Variants in AGPAT3 observed in about 807,000 individuals in gnomAD.
AGPAT3 encodes the protein 1-acyl-sn-glycerol-3-phosphate acyltransferase gamma.
A neutral mutation model predicts 47.3 loss-of-function variants in AGPAT3; 5 were observed. That is an observed-to-expected ratio of 0.11 (90% CI 0.06 to 0.22). The LOEUF (loss-of-function observed/expected upper bound fraction) is 0.22, where lower values mean the gene tolerates loss of function less well. AGPAT3 is among the 10% of genes least tolerant of loss of function. The pLI is 1.00. For synonymous variants in AGPAT3, 212 were observed against 208.3 expected, an observed-to-expected ratio of 1.02 and a Z score of -0.15; for missense variants, 315 against 493.0, an observed-to-expected ratio of 0.64 and a Z score of 3.42.
rs927199036 is a variant in AGPAT3, at chr21:43,984,036, G to C, written c.*1644G>C. 3.3e-5 allele frequency: 5 copies of C among 152,308 alleles called. No individual in the cohort carries two copies. The highest frequency in any genetic ancestry group is 7.3e-5 in the Non-Finnish European group (5 of 68,084). The allele number at this position is 152,308 out of a possible 1,614,324, so 9.4% of individuals were successfully genotyped here. ...GCCGGGCCCCGGGTCTGTGGGGGCC[G>C]TGCTCTCAGGGCGTGTGCGGGACGC... On this transcript the variant is annotated 3_prime_UTR_variant, in exon 10 of 10. Coordinates refer to ENST00000291572, the MANE Select transcript of AGPAT3 (RefSeq NM_020132.5).
At chr21:43,947,063 G>A (rs1257548602) in intron 2 of AGPAT3, 1 of 152,358 alleles carries the variant, frequency 6.6e-6, no homozygotes, top group Non-Finnish European at 1.5e-5. Context: ...GCTGGGGTAG[G>A]TGACGGGAGG....
chr21:43,957,808 C>A (rs1469173154), intron 2 of AGPAT3, among the ~76,000 whole-genome samples: 1 of 151,494 alleles, frequency 6.6e-6, no homozygotes, highest in Admixed American at 6.6e-5. Flanking sequence ...GTTTTCCCCT[C>A]CACACTGGGG....
intron 2 of AGPAT3, among the ~76,000 whole-genome samples, chr21:43,918,181 G>A (rs1364214343): frequency 6.8e-6 from 1 of 146,364 alleles, no homozygotes; most frequent in Non-Finnish European, 1.5e-5. Context: ...TGTTGTGGGA[G>A]TTGTGGGTGT....
At chr21:43,917,309 C>G (rs933764514) in intron 2 of AGPAT3, among the ~76,000 whole-genome samples, 1 of 152,198 alleles carries the variant, frequency 6.6e-6, no homozygotes, top group Non-Finnish European at 1.5e-5. Flanking sequence ...CCTGCACTGC[C>G]GTGGCACAAC....
rs1264760775 is a variant in AGPAT3 at position 43,922,014 on chromosome 21, A to G, written c.-49+17995A>G. On this transcript the variant is annotated intron_variant, in intron 2 of 9. Coordinates refer to ENST00000291572, the MANE Select transcript of AGPAT3 (RefSeq NM_020132.5). This position sits in a 1 kb window ranked among gnomAD's most constrained non-coding sequence, Gnocchi z 4.9. ...CCTGATTTCTCTGTCTCTCGATGCC[A>G]TTTTTGTGAAGGTTTAGCAAATACT... Among the ~76,000 whole-genome samples the G allele has an allele frequency of 2.0e-5, 3 of 152,074 alleles. No individual in the cohort carries two copies. Among genetic ancestry groups the G allele is most frequent in the South Asian group, 4.2e-4 (2 of 4,814 alleles).
At chr21:43,978,005 TGTG>T (rs1447189331) in intron 7 of AGPAT3, 38 bp from the exon 8 acceptor site, 3 of 1,539,658 alleles carry the variant, frequency 1.9e-6, no homozygotes, top group Non-Finnish European at 2.7e-6. Flanking sequence ...TGTGAGGTCA[TGTG>T]GTGATTCACC....
intron 3 of AGPAT3, among the ~76,000 whole-genome samples, chr21:43,963,707 CAAAA>C (rs10582784): frequency 2.3e-4 from 15 of 65,712 alleles, no homozygotes; most frequent in Middle Eastern, 0.015. Flanking sequence ...GACTCTGTCT[CAAAA>C]AAAAAAAAAA....
chr21:43,975,801 G>T (rs964835833), intron 7 of AGPAT3, among the ~76,000 whole-genome samples: 1 of 152,130 alleles, frequency 6.6e-6, no homozygotes, highest in Non-Finnish European at 1.5e-5. Flanking sequence ...AAAGGTCCAC[G>T]ATGAGCCCAG....
intron 2 of AGPAT3, among the ~76,000 whole-genome samples, chr21:43,943,135 A>T (rs979556140): frequency 1.3e-5 from 2 of 151,808 alleles, no homozygotes; most frequent in Non-Finnish European, 2.9e-5. Context: ...AGTGCAGTGG[A>T]GTGATCTCAG....
intron 7 of AGPAT3, among the ~76,000 whole-genome samples, chr21:43,972,089 G>A (rs938560124): frequency 3.9e-5 from 6 of 152,190 alleles, no homozygotes; most frequent in African/African-American, 7.2e-5. Context: ...GCCGCAGCAC[G>A]CGAGGGACCG....
At chr21:43,917,907 T>G (rs1198928251) in intron 2 of AGPAT3, among the ~76,000 whole-genome samples, 4 of 76,652 alleles carry the variant, frequency 5.2e-5, no homozygotes, top group Non-Finnish European at 9.3e-5. Flanking sequence ...TTGCGGGTGT[T>G]GTGGGTGTTG....
rs139492690 is a variant in AGPAT3, at chr21:43,939,826, G to A, written c.-48-19808G>A. Among the ~76,000 whole-genome samples the A allele has an allele frequency of 5.5e-3, 837 of 152,314 alleles. 6 individuals carry two copies. The highest frequency in any genetic ancestry group is 9.6e-3 in the Non-Finnish European group (652 of 68,014). ...CCTGGTCCTAGGGGTCTGTGCTGGG[G>A]TGGGGCTCGTTGACCTGCATCCTGG... On this transcript the variant is annotated intron_variant, in intron 2 of 9. Transcript: ENST00000291572. This position sits in a 1 kb window ranked among gnomAD's most constrained non-coding sequence, Gnocchi z 4.4.
In AGPAT3 at chr21:43,982,615, G is replaced by A; in HGVS notation, c.*223G>A. On this transcript the variant is annotated 3_prime_UTR_variant, in exon 10 of 10. Transcript: ENST00000291572. The surrounding 1 kb of genome is among the most constrained non-coding windows in gnomAD (Gnocchi z 6.2). ...TCCCAGCATCTCCACGCGCGCCCGTGGGAGGTGGGTCCGGCCGGAGAGGCC... is the reference window on the plus strand; with the variant it reads ...TCCCAGCATCTCCACGCGCGCCCGTAGGAGGTGGGTCCGGCCGGAGAGGCC... 2.6e-6 allele frequency: 1 copy of A among 391,726 alleles called. No homozygotes were observed. The highest frequency in any genetic ancestry group is 4.6e-6 in the Non-Finnish European group (1 of 218,132). The allele number at this position is 391,726 out of a possible 1,614,324, so 24.3% of individuals were successfully genotyped here. A position where few individuals can be genotyped will look rare whatever the true frequency, so the allele number is the denominator to read the frequency against.
intron 7 of AGPAT3, 120 bp downstream of exon 7, chr21:43,971,610 C>A: frequency 1.1e-6 from 1 of 889,720 alleles, no homozygotes; most frequent in Non-Finnish European, 1.8e-6. Flanking sequence ...CAGGGTGGAA[C>A]TCACACGGAA....
chr21:43,955,208 C>A lies in AGPAT3; in HGVS notation c.-48-4426C>A, dbSNP rs985220414. 2 of 1,242,942 alleles carry A rather than the reference C, an allele frequency of 1.6e-6. No homozygotes were observed. The highest frequency in any genetic ancestry group is 1.3e-5 in the South Asian group (1 of 76,288). 77.0% of individuals were successfully genotyped at this position (1,242,942 alleles called of 1,614,324 possible). On this transcript the variant is annotated intron_variant, in intron 2 of 9. Transcript: ENST00000291572. This position sits in a 1 kb window ranked among gnomAD's most constrained non-coding sequence, Gnocchi z 4.1. ...CGCGCTGGACCGGCTGGGCCAGATG[C>A]CATGGGATTCTGTGTTTGTGAACCT...
At chr21:43,878,640 C>T (rs2123562129) in intron 1 of AGPAT3, among the ~76,000 whole-genome samples, 1 of 152,322 alleles carries the variant, frequency 6.6e-6, no homozygotes, top group South Asian at 2.1e-4. Flanking sequence ...TGCTGATTTA[C>T]CCTCTGCAAA....
intron 2 of AGPAT3, among the ~76,000 whole-genome samples, chr21:43,912,801 T>C (rs149769966): frequency 1.3e-3 from 201 of 152,374 alleles, no homozygotes; most frequent in African/African-American, 4.7e-3. Flanking sequence ...GGAGTCAGTT[T>C]GCAAATGTTA....
rs1393915273 is a variant in AGPAT3 at position 43,922,968 on chromosome 21, T to C, written c.-49+18949T>C. ...GCGAGCGTCTGTTCTGTGTCAGGAG[T>C]CCCTGTTTCTTTCTCCCCATGCTCA... On this transcript the variant is annotated intron_variant, in intron 2 of 9. Transcript: ENST00000291572. The surrounding 1 kb of genome is among the most constrained non-coding windows in gnomAD (Gnocchi z 4.9). 6.6e-6 allele frequency among the ~76,000 whole-genome samples: 1 copy of C among 151,926 alleles called. No individual in the cohort carries two copies. The highest frequency in any genetic ancestry group is 6.6e-5 in the Admixed American group (1 of 15,264).
At chr21:43,965,767 C>A (rs2089090602) in intron 3 of AGPAT3, 1 of 145,904 alleles carries the variant, frequency 6.9e-6, no homozygotes, top group Non-Finnish European at 1.5e-5. Context: ...CCTGCCACCA[C>A]ATCCAGCTAA....
Sources: gnomAD v4.1 joint callset for allele counts (sites outside exome capture counted in the v4.1 genomes callset) on GRCh38, gnomAD v4.1.1 for gene constraint, Gnocchi (gnomAD v3.1) non-coding constraint, MANE v1.5 for transcripts, NCBI Gene and HGNC (gene_info 2026-07-23, HGNC 2026-07-21) for gene names.